Variants in AP5M1 observed in about 807,000 individuals in gnomAD.
AP5M1 encodes the protein AP-5 complex subunit mu-1.
In AP5M1, 44 loss-of-function variants were observed where a neutral mutation model predicts 52.3. The observed-to-expected ratio is 0.84, with a 90% CI of 0.66 to 1.08. The LOEUF is 1.08. AP5M1 is among the 50% of genes least tolerant of loss of function. The probability of loss-of-function intolerance (pLI) is 0.00; values close to 1 mark genes in which losing one functional copy is unlikely to be tolerated. For synonymous variants in AP5M1, 213 were observed against 199.0 expected (o/e 1.07, Z -0.59); for missense variants, 526 against 568.4 (o/e 0.93, Z 0.76).
chr14:57,284,211 C>G (rs1175832107), intron 6 of AP5M1, among the ~76,000 whole-genome samples: 1 of 152,072 alleles, frequency 6.6e-6, no homozygotes, highest in African/African-American at 2.4e-5. Context: ...TGAAGATTGA[C>G]TAACATTTGT....
At chr14:57,282,410 T>G (rs1885203135) in intron 4 of AP5M1, among the ~76,000 whole-genome samples, 182 bp downstream of exon 4, 1 of 152,196 alleles carries the variant, frequency 6.6e-6, no homozygotes, top group Non-Finnish European at 1.5e-5. Flanking sequence ...TAAATATGCC[T>G]TTATCTTTCT....
chr14:57,282,311 T>G, intron 4 of AP5M1, 83 bp downstream of exon 4: 3 of 1,117,840 alleles, frequency 2.7e-6, no homozygotes, highest in Non-Finnish European at 3.6e-6. Context: ...CTTTGTCTTT[T>G]ACCTTATTTT....
At chr14:57,270,493 G>C (rs1802826651) in intron 1 of AP5M1, among the ~76,000 whole-genome samples, 1 of 152,182 alleles carries the variant, frequency 6.6e-6, no homozygotes, top group African/African-American at 2.4e-5. Flanking sequence ...TGGCAATGGG[G>C]ATATGAAAAA....
intron 1 of AP5M1, among the ~76,000 whole-genome samples, chr14:57,273,542 G>A (rs986552081): frequency 6.6e-6 from 1 of 152,178 alleles, no homozygotes. Flanking sequence ...ATAAGCAAAA[G>A]CATCTTCTGT....
rs1266839660 is a variant in AP5M1, at chr14:57,274,476, G to T, written c.307G>T (p.Asp103Tyr). 1.2e-6 allele frequency: 2 copies of T among 1,614,186 alleles called. No homozygotes were observed. The highest frequency in any genetic ancestry group is 1.7e-6 in the Non-Finnish European group (2 of 1,180,028). ...LWPVVAFLKN[D>Y]MIYACVPLVE... The stretch of plus-strand genomic sequence containing the variant: ...GCCAGTTGTTGCTTTTCTGAAGAAT[G>T]ACATGATATATGCTTGTGTTCCACT... The change falls in exon 2 of 8, where the codon GAC (aspartate) becomes TAC (tyrosine). Residue 103 changes from aspartate to tyrosine, a missense_variant. This residue lies in a region of AP5M1 where 425 missense variants were observed against 430.6 expected (regional missense o/e 0.99). Coordinates refer to ENST00000261558, the MANE Select transcript of AP5M1 (RefSeq NM_018229.4).
At position 57,292,231 on chromosome 14, in the gene AP5M1, A is replaced by G. The variant is rs532071894; in HGVS notation, c.*3347A>G. ...TGGTCCCTGTTATGCAAATACCTTC[A>G]ATCCTCTGCTAAGTTCAGTGGAAAT... On this transcript the variant is annotated 3_prime_UTR_variant, in exon 8 of 8. Coordinates refer to ENST00000261558, the MANE Select transcript of AP5M1 (RefSeq NM_018229.4). 2.0e-5 allele frequency: 3 copies of G among 151,942 alleles called. No individual in the cohort carries two copies. In the East Asian group the frequency reaches 5.8e-4, roughly 29 times the overall value. The allele number at this position is 151,942 out of a possible 1,614,324, so 9.4% of individuals were successfully genotyped here.
chr14:57,279,560 AG>A (rs1885122658), intron 2 of AP5M1, among the ~76,000 whole-genome samples: 1 of 152,202 alleles, frequency 6.6e-6, no homozygotes, highest in African/African-American at 2.4e-5. Context: ...AGCATCAGGA[AG>A]AATAGCAAAT....
chr14:57,273,665 G>A (rs949886782), intron 1 of AP5M1: 2 of 700,000 alleles, frequency 2.9e-6, no homozygotes, highest in African/African-American at 1.8e-5. Context: ...CAGGGCCATA[G>A]AGATAAACCA....
chr14:57,286,329 A>G lies in AP5M1; in HGVS notation c.1390+10A>G. 1 of 1,525,114 alleles carries G rather than the reference A, an allele frequency of 6.6e-7. No homozygotes were observed. The highest frequency in any genetic ancestry group is 9.1e-7 in the Non-Finnish European group (1 of 1,100,506). 94.5% of individuals were successfully genotyped at this position (1,525,114 alleles called of 1,614,324 possible). ...CCAAAAATAAGTGCACGTAAGTTAC[A>G]CAGATTCAAACTAACTTAAGGGAAT... On this transcript the variant is annotated intron_variant, in intron 7 of 7. Transcript: ENST00000261558.
chr14:57,275,838 CA>C (rs1885021450), intron 2 of AP5M1, among the ~76,000 whole-genome samples: 1 of 152,128 alleles, frequency 6.6e-6, no homozygotes, highest in African/African-American at 2.4e-5. Context: ...TGATTAATGC[CA>C]TGTTGAATAA....
rs1009756014 is a variant in AP5M1, at chr14:57,294,002, T to G, written c.*5118T>G. ...TGACCTGAAGGCTTTCCAACTAGCCTCCAACTGTCCGCACCAGCTGTTTCA... is the reference window on the plus strand; with the variant it reads ...TGACCTGAAGGCTTTCCAACTAGCCGCCAACTGTCCGCACCAGCTGTTTCA... On this transcript the variant is annotated 3_prime_UTR_variant, in exon 8 of 8. Transcript: ENST00000261558. 2 of 151,714 alleles carry G rather than the reference T, an allele frequency of 1.3e-5. No individual in the cohort carries two copies. Among genetic ancestry groups the G allele is most frequent in the Non-Finnish European group, 3.0e-5 (2 of 67,764 alleles). The allele number at this position is 151,714 out of a possible 1,614,324, so 9.4% of individuals were successfully genotyped here. A position where few individuals can be genotyped will look rare whatever the true frequency, so the allele number is the denominator to read the frequency against.
At chr14:57,288,005 C>T (rs768292607) in intron 7 of AP5M1, among the ~76,000 whole-genome samples, 1 of 152,156 alleles carries the variant, frequency 6.6e-6, no homozygotes, top group Admixed American at 6.6e-5. Context: ...CTCAAGCATT[C>T]TGGCTCTGGA....
Position 57,296,998 on chromosome 14 carries a change from G to T in AP5M1, c.*8114G>T, listed in dbSNP as rs564481790. ...TTGAAGTTCCCCAGCCAGTTAAAGG[G>T]CACACCGTGGGGGCAGCATATCTCC... On this transcript the variant is annotated 3_prime_UTR_variant, in exon 8 of 8. Transcript: ENST00000261558. 6.6e-6 allele frequency: 1 copy of T among 152,116 alleles called. No homozygotes were observed. The highest frequency in any genetic ancestry group is 2.4e-5 in the African/African-American group (1 of 41,508). The allele number at this position is 152,116 out of a possible 1,614,324, so 9.4% of individuals were successfully genotyped here.
rs547205387 is a variant in AP5M1 at position 57,283,041 on chromosome 14, AT to A, written c.1174+30del. 369 of 1,573,702 alleles carry A rather than the reference AT, an allele frequency of 2.3e-4. 1 individual carries two copies. The African/African-American group carries it at 3.5e-3, about 15-fold the overall frequency. On this transcript the variant is annotated intron_variant, in intron 5 of 7. Coordinates refer to ENST00000261558, the MANE Select transcript of AP5M1 (RefSeq NM_018229.4). ...ATTGGTGAGCAAGTTTTATTTATTGATTTTTTTTCTTTTCATTTACTGTAGA... is the reference window on the plus strand; with the variant it reads ...ATTGGTGAGCAAGTTTTATTTATTGATTTTTTTCTTTTCATTTACTGTAGA...
At chr14:57,282,292 G>A in intron 4 of AP5M1, 64 bp downstream of exon 4, 1 of 1,261,456 alleles carries the variant, frequency 7.9e-7, no homozygotes, top group Admixed American at 3.0e-5. Flanking sequence ...CTGTCCCACA[G>A]TAAATTGTCT....
chr14:57,282,892 A>G, intron 4 of AP5M1, 42 bp from the exon 5 acceptor site: 1 of 1,361,118 alleles, frequency 7.3e-7, no homozygotes, highest in South Asian at 1.3e-5. Context: ...TAAAACTGTT[A>G]TATCTATGAT....
chr14:57,275,008 A>G (rs758913411), intron 2 of AP5M1, 119 bp downstream of exon 2: 60 of 1,117,542 alleles, frequency 5.4e-5, no homozygotes, highest in Non-Finnish European at 6.9e-5. Flanking sequence ...CAGTTTTTAA[A>G]TGGGAGAGTC....
At chr14:57,280,011 C>G (rs186493019) in intron 2 of AP5M1, among the ~76,000 whole-genome samples, 184 bp from the exon 3 acceptor site, 49 of 152,304 alleles carry the variant, frequency 3.2e-4, no homozygotes, top group African/African-American at 1.2e-3. Context: ...GAGGGCTCTC[C>G]TGGTCTCTGG....
Position 57,296,946 on chromosome 14 carries a change from T to C in AP5M1, c.*8062T>C, listed in dbSNP as rs1229081378. ...GGAGACTATTTCTGTATGTTATTAG[T>C]ACAGAAACTGCCCAAAAAGGTGATG... On this transcript the variant is annotated 3_prime_UTR_variant, in exon 8 of 8. Transcript: ENST00000261558. The C allele has an allele frequency of 6.6e-6, 1 of 152,020 alleles. No individual in the cohort carries two copies. Among genetic ancestry groups the C allele is most frequent in the East Asian group, 1.9e-4 (1 of 5,172 alleles). 9.4% of individuals were successfully genotyped at this position (152,020 alleles called of 1,614,324 possible).
Sources: gnomAD v4.1 joint callset for allele counts (sites outside exome capture counted in the v4.1 genomes callset) on GRCh38, gnomAD v4.1.1 for gene constraint, gnomAD v4.1.1 regional missense constraint, MANE v1.5 for transcripts, NCBI Gene and HGNC (gene_info 2026-07-23, HGNC 2026-07-21) for gene names.